USH2A: variants seen among roughly 807,000 people sequenced by gnomAD.
The protein encoded by USH2A is Usher syndrome 2A (autosomal recessive, mild).
USH2A carries 443 observed loss-of-function variants against 538.9 expected under a neutral mutation model. The observed-to-expected ratio is 0.82, with a 90% CI of 0.76 to 0.89. The LOEUF (loss-of-function observed/expected upper bound fraction) is 0.89. Among genes scored for constraint, USH2A ranks in the 40% least tolerant of loss-of-function variants. The pLI is 0.00. For synonymous variants in USH2A, 2,413 were observed against 2,273.5 expected, an observed-to-expected ratio of 1.06 and a Z score of -1.75; for missense variants, 6,633 against 6,324.8, an observed-to-expected ratio of 1.05 and a Z score of -1.65.
intron 38 of USH2A, among the ~76,000 whole-genome samples, chr1:215,912,870 T>A (rs1033212288): frequency 5.8e-4 from 89 of 152,188 alleles, no homozygotes; most frequent in African/African-American, 2.1e-3. Flanking sequence ...TGAATTCTCA[T>A]GTAGCTCTCA....
At chr1:216,337,280 G>A (rs1046334787) in intron 4 of USH2A, among the ~76,000 whole-genome samples, 10 of 151,324 alleles carry the variant, frequency 6.6e-5, no homozygotes, top group African/African-American at 2.4e-5. Flanking sequence ...ACTATGGAAA[G>A]ATATTCTTTT....
At chr1:215,899,064 A>T (rs1665424031) in intron 40 of USH2A, among the ~76,000 whole-genome samples, 1 of 152,236 alleles carries the variant, frequency 6.6e-6, no homozygotes, top group Non-Finnish European at 1.5e-5. Flanking sequence ...GTCAACTTTA[A>T]ACAAGATAGA....
chr1:215,877,670 C>G, intron 43 of USH2A, 88 bp downstream of exon 43: 1 of 1,585,554 alleles, frequency 6.3e-7, no homozygotes, highest in Non-Finnish European at 8.6e-7. Flanking sequence ...AACACGCTCA[C>G]ACAATGAAGA....
At chr1:216,168,456 T>C (rs754495081) in intron 21 of USH2A, among the ~76,000 whole-genome samples, 12 of 152,170 alleles carry the variant, frequency 7.9e-5, no homozygotes, top group African/African-American at 1.4e-4. Flanking sequence ...AACTCTATCT[T>C]ACTTATAAAC....
rs748252419 is a variant in USH2A, at chr1:216,090,431, TA to T, written c.4759-1293del. Among the ~76,000 whole-genome samples the T allele has an allele frequency of 8.0e-3, 760 of 94,418 alleles. 1 individual carries two copies. The highest frequency in any genetic ancestry group is 0.014 in the South Asian group (46 of 3,338). The allele number at this position is 94,418 out of a possible 152,430, so 61.9% of individuals were successfully genotyped here. A position where few individuals can be genotyped will look rare whatever the true frequency, so the allele number is the denominator to read the frequency against. On this transcript the variant is annotated intron_variant, in intron 22 of 71. Coordinates refer to ENST00000307340, the MANE Select transcript of USH2A (RefSeq NM_206933.4). The stretch of plus-strand genomic sequence containing the variant: ...CATACAGAATTTCATGTTACCAAAG[TA>T]AAAAAAAAAAAAAAAAAAGCTTTTA...
Position 216,294,254 on chromosome 1 carries a change from C to T in USH2A, c.1645-1884G>A, listed in dbSNP as rs528777256. Reference sequence around the variant, plus strand: ...CATAATAAAAATATTCTTTATAAAACAAAGGCAGGAGGTAGAAAATTAAAA... The same window carrying T: ...CATAATAAAAATATTCTTTATAAAATAAAGGCAGGAGGTAGAAAATTAAAA... On this transcript the variant is annotated intron_variant, in intron 9 of 71. Transcript: ENST00000307340. Among the ~76,000 whole-genome samples the T allele has an allele frequency of 5.9e-5, 9 of 151,886 alleles. No homozygotes were observed. In the South Asian group the frequency reaches 1.9e-3, roughly 32 times the overall value.
At chr1:216,198,250 T>C (rs1411500752) in intron 18 of USH2A, 65 bp downstream of exon 18, 1 of 1,610,268 alleles carries the variant, frequency 6.2e-7, no homozygotes, top group Non-Finnish European at 8.5e-7. Flanking sequence ...GTACTTTGAC[T>C]TTAATTTGAG....
intron 30 of USH2A, among the ~76,000 whole-genome samples, chr1:216,048,907 T>C (rs2030640189): frequency 6.6e-6 from 1 of 152,164 alleles, no homozygotes; most frequent in Non-Finnish European, 1.5e-5. Context: ...GTTTCTCCCA[T>C]TAAAATGGGG....
intron 35 of USH2A, among the ~76,000 whole-genome samples, chr1:215,973,656 CTTTTTTTT>C (rs750306238): frequency 7.6e-6 from 1 of 130,960 alleles, no homozygotes; most frequent in African/African-American, 2.9e-5. Context: ...TCTTCTTCTT[CTTTTTTTT>C]TTTTTTTTTT....
At chr1:215,914,122 G>A (rs1156343938) in intron 38 of USH2A, among the ~76,000 whole-genome samples, 2 of 139,318 alleles carry the variant, frequency 1.4e-5, no homozygotes, top group Non-Finnish European at 3.0e-5. Context: ...CACCCAGGCT[G>A]GAGTGCAGTG....
At position 216,203,009 on chromosome 1, in the gene USH2A, G is replaced by T. The variant is rs182394721; in HGVS notation, c.3317-2888C>A. Reference sequence around the variant, plus strand: ...AAGGAGAACTATTCCTTTCATCTTTGTATTTCTAATGACTGATACAGTTTC... The same window carrying T: ...AAGGAGAACTATTCCTTTCATCTTTTTATTTCTAATGACTGATACAGTTTC... On this transcript the variant is annotated intron_variant, in intron 16 of 71. Coordinates refer to ENST00000307340, the MANE Select transcript of USH2A (RefSeq NM_206933.4). 1.1e-3 allele frequency among the ~76,000 whole-genome samples: 161 copies of T among 152,096 alleles called. 2 individuals are homozygous for T. The South Asian group carries it at 0.012, about 11-fold the overall frequency.
At chr1:215,673,572 T>C (rs1173953834) in intron 63 of USH2A, among the ~76,000 whole-genome samples, 3 of 152,180 alleles carry the variant, frequency 2.0e-5, no homozygotes, top group Non-Finnish European at 4.4e-5. Flanking sequence ...GGCACTGTCC[T>C]GAGAAACCAT....
At chr1:215,728,857 G>A (rs1486239357) in intron 60 of USH2A, among the ~76,000 whole-genome samples, 1 of 152,140 alleles carries the variant, frequency 6.6e-6, no homozygotes, top group African/African-American at 2.4e-5. Flanking sequence ...CTGTGTGTAT[G>A]TGTCTGTGTG....
intron 30 of USH2A, among the ~76,000 whole-genome samples, chr1:216,051,620 G>A (rs543775425): frequency 3.4e-4 from 52 of 152,316 alleles, no homozygotes; most frequent in African/African-American, 1.2e-3. Flanking sequence ...GGAATATGAG[G>A]CTAGTTTCCC....
intron 32 of USH2A, among the ~76,000 whole-genome samples, chr1:216,013,585 T>C (rs906487360): frequency 6.6e-6 from 1 of 152,166 alleles, no homozygotes; most frequent in African/African-American, 2.4e-5. Flanking sequence ...GGCCTGTTCC[T>C]GCCTTAACTG....
At chr1:215,999,167 C>T (rs962532307) in intron 33 of USH2A, 109 bp from the exon 34 acceptor site, 5 of 946,910 alleles carry the variant, frequency 5.3e-6, no homozygotes, top group African/African-American at 3.3e-5. Flanking sequence ...TTTTAAAAAA[C>T]ATAAATCTCA....
intron 47 of USH2A, among the ~76,000 whole-genome samples, chr1:215,837,734 C>T (rs1225327926): frequency 2.0e-5 from 3 of 152,128 alleles, no homozygotes; most frequent in Admixed American, 1.3e-4. Context: ...AATAAGGAGA[C>T]ATGTATTTCA....
At chr1:216,233,949 A>G (rs1031275264) in intron 13 of USH2A, among the ~76,000 whole-genome samples, 1 of 152,304 alleles carries the variant, frequency 6.6e-6, no homozygotes, top group South Asian at 2.1e-4. Flanking sequence ...GCTGCAAAGA[A>G]TTTTACTGAA....
At chr1:216,287,585 G>A (rs2036911433) in intron 11 of USH2A, among the ~76,000 whole-genome samples, 1 of 151,974 alleles carries the variant, frequency 6.6e-6, no homozygotes, top group Admixed American at 6.6e-5. Context: ...ACCACCCAAG[G>A]TTGTCTAGCA....
Sources: allele counts gnomAD v4.1 joint callset (sites outside exome capture counted in the v4.1 genomes callset), GRCh38; gene constraint gnomAD v4.1.1; transcripts MANE v1.5; gene names NCBI Gene and HGNC (gene_info 2026-07-23, HGNC 2026-07-21).